CFAP61: variants seen among roughly 807,000 people sequenced by gnomAD.
The protein encoded by CFAP61 is cilia and flagella associated protein 61, also known as cilia- and flagella-associated protein 61.
Under a neutral mutation model 135.6 loss-of-function variants are expected in CFAP61, and 107 were observed. The observed-to-expected ratio is 0.79, with a 90% confidence interval of 0.67 to 0.93. The LOEUF is 0.93. Among genes scored for constraint, CFAP61 ranks in the 40% least tolerant of loss-of-function variants. The pLI, the probability that CFAP61 is intolerant of heterozygous loss-of-function variation, is 0.00. For missense variants in CFAP61, 1,507 were observed against 1,556.2 expected (o/e 0.97, Z 0.53); for synonymous variants, 575 against 578.5 (o/e 0.99, Z 0.09).
intron 19 of CFAP61, 69 bp downstream of exon 19, chr20:20,246,284 C>A: frequency 1.0e-6 from 1 of 962,600 alleles, no homozygotes; most frequent in Non-Finnish European, 1.7e-6. Flanking sequence ...CTATTTAATG[C>A]TAAATAGTAG....
chr20:20,194,569 A>G (rs1278309577), intron 15 of CFAP61, among the ~76,000 whole-genome samples: 1 of 152,122 alleles, frequency 6.6e-6, no homozygotes, highest in African/African-American at 2.4e-5. Flanking sequence ...GTTTTCCTCA[A>G]AAGTCTGTCC....
chr20:20,306,627 T>C (rs2056491724), intron 25 of CFAP61, among the ~76,000 whole-genome samples: 1 of 152,162 alleles, frequency 6.6e-6, no homozygotes, highest in Admixed American at 6.5e-5. Context: ...CAATCTGAAG[T>C]TGGGGTGAGG....
chr20:20,229,194 A>G (rs6046741), intron 18 of CFAP61, among the ~76,000 whole-genome samples: 3,215 of 152,144 alleles, frequency 0.021, 109 homozygotes, highest in African/African-American at 0.072. Context: ...CTCTCTCTCC[A>G]TGTGCTCACT....
At chr20:20,349,705 A>G (rs2058761689) in intron 26 of CFAP61, among the ~76,000 whole-genome samples, 1 of 152,268 alleles carries the variant, frequency 6.6e-6, no homozygotes, top group Non-Finnish European at 1.5e-5. Context: ...TGCAAGGCTT[A>G]CACACTGAAA....
chr20:20,150,167 G>A (rs755815694), intron 9 of CFAP61, among the ~76,000 whole-genome samples: 18 of 151,136 alleles, frequency 1.2e-4, no homozygotes, highest in South Asian at 4.2e-4. Context: ...AACCCCATGC[G>A]CCCACCACCC....
At chr20:20,240,539 G>A (rs1052944585) in intron 18 of CFAP61, among the ~76,000 whole-genome samples, 2 of 151,628 alleles carry the variant, frequency 1.3e-5, no homozygotes, top group African/African-American at 4.8e-5. Context: ...ATACACAGCT[G>A]CCTTCATTCA....
At chr20:20,284,334 G>A (rs2054424412) in intron 22 of CFAP61, among the ~76,000 whole-genome samples, 1 of 151,470 alleles carries the variant, frequency 6.6e-6, no homozygotes, top group South Asian at 2.1e-4. Flanking sequence ...TGCCCAGGCT[G>A]GAGTACAGTG....
chr20:20,151,303 T>G (rs539337818), intron 9 of CFAP61, among the ~76,000 whole-genome samples: 2 of 151,426 alleles, frequency 1.3e-5, no homozygotes, highest in South Asian at 2.1e-4. Context: ...AAGAAAGAAC[T>G]TCAGAGCTTA....
intron 9 of CFAP61, among the ~76,000 whole-genome samples, chr20:20,145,688 A>C (rs1268257322): frequency 6.6e-6 from 1 of 152,214 alleles, no homozygotes; most frequent in Non-Finnish European, 1.5e-5. Context: ...ATGGAAAAGG[A>C]TACACCATGC....
intron 13 of CFAP61, among the ~76,000 whole-genome samples, chr20:20,182,575 A>G (rs1056079825): frequency 1.3e-5 from 2 of 152,238 alleles, no homozygotes; most frequent in African/African-American, 2.4e-5. Flanking sequence ...GGCACACAGC[A>G]GATGTTTAAT....
Position 20,142,962 on chromosome 20 carries a change from T to C in CFAP61, c.951+14T>C, listed in dbSNP as rs774356257. 7.3e-6 allele frequency: 11 copies of C among 1,516,998 alleles called. No individual in the cohort carries two copies. The highest frequency in any genetic ancestry group is 9.9e-6 in the Non-Finnish European group (11 of 1,106,354). The allele number at this position is 1,516,998 out of a possible 1,614,324, so 94.0% of individuals were successfully genotyped here. A position where few individuals can be genotyped will look rare whatever the true frequency, so the allele number is the denominator to read the frequency against. On this transcript the variant is annotated intron_variant, in intron 9 of 26. Transcript: ENST00000245957. ...GAAAACATCCAGGTGAGAGAGACTA[T>C]CCCTCCATGCCTAGGGTGGGGGGAT...
chr20:20,171,874 TTTC>T, intron 13 of CFAP61: 1 of 659,358 alleles, frequency 1.5e-6, no homozygotes, highest in Non-Finnish European at 2.8e-6. Context: ...AGAGTGGACT[TTTC>T]TTCCTTGTGC....
At chr20:20,289,022 G>T (rs2054805430) in intron 23 of CFAP61, 86 bp downstream of exon 23, 1 of 1,107,592 alleles carries the variant, frequency 9.0e-7, no homozygotes, top group South Asian at 1.6e-5. Context: ...GTTTCTCTTA[G>T]GCTTGGGGAA....
At chr20:20,264,087 C>T (rs531034448) in intron 21 of CFAP61, among the ~76,000 whole-genome samples, 19 of 152,204 alleles carry the variant, frequency 1.2e-4, no homozygotes, top group African/African-American at 4.3e-4. Flanking sequence ...ACATTTACTG[C>T]ATTAAGAAGT....
intron 15 of CFAP61, among the ~76,000 whole-genome samples, 170 bp from the exon 16 acceptor site, chr20:20,196,400 G>A (rs1010896591): frequency 2.6e-5 from 4 of 152,142 alleles, no homozygotes; most frequent in African/African-American, 9.7e-5. Flanking sequence ...CTCAGGAAAC[G>A]TAATTTCTAA....
intron 22 of CFAP61, among the ~76,000 whole-genome samples, chr20:20,284,419 G>A (rs1455987740): frequency 6.6e-6 from 1 of 151,990 alleles, no homozygotes; most frequent in Non-Finnish European, 1.5e-5. Context: ...CCGAGTAGCT[G>A]GGACTACAGG....
chr20:20,086,333 C>A (rs1280135607), intron 6 of CFAP61, among the ~76,000 whole-genome samples: 6 of 106,766 alleles, frequency 5.6e-5, no homozygotes, highest in Non-Finnish European at 1.7e-5. Context: ...CACCCCACAA[C>A]AGTCCCTGGA....
At chr20:20,171,819 G>A (rs757551428) in intron 13 of CFAP61, 24 of 704,644 alleles carry the variant, frequency 3.4e-5, no homozygotes, top group Non-Finnish European at 5.3e-5. Context: ...CATCACCAGA[G>A]TGTCAAAGGG....
At chr20:20,083,324 G>A (rs1033550812) in intron 6 of CFAP61, among the ~76,000 whole-genome samples, 8 of 151,872 alleles carry the variant, frequency 5.3e-5, no homozygotes, top group Admixed American at 3.3e-4. Context: ...TGACATAGTG[G>A]ACCGTGGGGG....
Sources: gnomAD v4.1 joint callset for allele counts (sites outside exome capture counted in the v4.1 genomes callset) on GRCh38, gnomAD v4.1.1 for gene constraint, MANE v1.5 for transcripts, NCBI Gene and HGNC (gene_info 2026-07-23, HGNC 2026-07-21) for gene names.